The following CHD7 variants were observed in gnomAD, a reference collection of about 807,000 sequenced individuals.
CHD7 encodes the protein chromodomain helicase DNA binding protein 7.
CHD7 carries 24 observed loss-of-function variants against 307.3 expected under a neutral mutation model. That is an observed-to-expected ratio of 0.08 (90% CI 0.06 to 0.11). The LOEUF (loss-of-function observed/expected upper bound fraction) is 0.11. Ranked by LOEUF, CHD7 falls within the 10% of genes least tolerant of loss-of-function variation. The pLI is 1.00. For missense variants in CHD7, 3,106 were observed against 3,727.1 expected, an observed-to-expected ratio of 0.83 and a Z score of 4.34; for synonymous variants, 1,363 against 1,349.9, an observed-to-expected ratio of 1.01 and a Z score of -0.21.
At chr8:60,684,177 A>G (rs1033179083) in intron 1 of CHD7, among the ~76,000 whole-genome samples, 1 of 152,202 alleles carries the variant, frequency 6.6e-6, no homozygotes, top group African/African-American at 2.4e-5. Flanking sequence ...GAAGAAACTT[A>G]ACTTGTCAGT....
At chr8:60,850,848 C>T (rs575330233) in intron 26 of CHD7, 184 bp from the exon 27 acceptor site, 2 of 681,152 alleles carry the variant, frequency 2.9e-6, no homozygotes, top group Admixed American at 5.8e-5. Flanking sequence ...TTCCCGCAAT[C>T]TCCCCAGACC....
At chr8:60,817,214 A>T (rs1803790503) in intron 8 of CHD7, among the ~76,000 whole-genome samples, 1 of 152,216 alleles carries the variant, frequency 6.6e-6, no homozygotes, top group Non-Finnish European at 1.5e-5. Context: ...ATAAAAGAAA[A>T]ACCCTAACAT....
At chr8:60,715,063 T>C (rs1338372119) in intron 1 of CHD7, among the ~76,000 whole-genome samples, 5 of 152,250 alleles carry the variant, frequency 3.3e-5, no homozygotes, top group Non-Finnish European at 4.4e-5. Context: ...AATGCATGGC[T>C]CTTCTTGATC....
chr8:60,851,899 A>C lies in CHD7; in HGVS notation c.5666-120A>C, dbSNP rs76254898. ...TTATTTATATTTTAAAAATGAGGGC[A>C]CTGAGATGCCCTTTCCCACACTGTC... On this transcript the variant is annotated intron_variant, in intron 28 of 37. Transcript: ENST00000423902. 972 of 619,662 alleles carry C rather than the reference A, an allele frequency of 1.6e-3. 5 individuals are homozygous for C. The African/African-American group carries it at 0.016, about 10-fold the overall frequency. The allele number at this position is 619,662 out of a possible 1,614,324, so 38.4% of individuals were successfully genotyped here. A position where few individuals can be genotyped will look rare whatever the true frequency, so the allele number is the denominator to read the frequency against.
At chr8:60,751,174 AGTT>A (rs1315097668) in intron 2 of CHD7, among the ~76,000 whole-genome samples, 1 of 152,202 alleles carries the variant, frequency 6.6e-6, no homozygotes, top group African/African-American at 2.4e-5. Flanking sequence ...TACTTTTGGT[AGTT>A]AATTCCTCAC....
chr8:60,787,253 G>A (rs1811533149), intron 3 of CHD7, among the ~76,000 whole-genome samples: 1 of 152,032 alleles, frequency 6.6e-6, no homozygotes. Context: ...AATGTGGGTG[G>A]GCAGCATGGC....
chr8:60,816,450 A>G lies in CHD7; in HGVS notation c.2562A>G (p.Gln854=), dbSNP rs937405286. ...TGGAAAAAGATAAGAGAATTCAGCA[A>G]AAAATTAAACGATTTAAGGCAAAGC... ...EDLEKDKRIQ[Q]KIKRFKAKQG... The change falls in exon 8 of 38, where the codon CAA becomes CAG. Residue 854 remains glutamine, a synonymous_variant. Coordinates refer to ENST00000423902, the MANE Select transcript of CHD7 (RefSeq NM_017780.4). 1 of 1,611,010 alleles carries G rather than the reference A, an allele frequency of 6.2e-7. No individual in the cohort carries two copies. The highest frequency in any genetic ancestry group is 1.1e-5 in the South Asian group (1 of 90,198).
chr8:60,704,642 G>A (rs560996625), intron 1 of CHD7, among the ~76,000 whole-genome samples: 5 of 151,188 alleles, frequency 3.3e-5, no homozygotes, highest in Admixed American at 6.6e-5. Context: ...GGTGTGGTCC[G>A]GCTGTAAGCA....
At chr8:60,835,940 T>C (rs1283511797) in intron 15 of CHD7, 133 bp from the exon 16 acceptor site, 3 of 664,170 alleles carry the variant, frequency 4.5e-6, no homozygotes, top group Non-Finnish European at 5.2e-6. Context: ...AGTAAGTGGA[T>C]GGATTCTTGT....
chr8:60,788,118 G>A (rs1811590051), intron 3 of CHD7, among the ~76,000 whole-genome samples: 1 of 151,180 alleles, frequency 6.6e-6, no homozygotes. Flanking sequence ...ACTGCACCCA[G>A]CCCCAGGTGA....
intron 14 of CHD7, 51 bp downstream of exon 14, chr8:60,828,857 C>G (rs1804372053): frequency 6.7e-7 from 1 of 1,502,954 alleles, no homozygotes. Flanking sequence ...AAGATTAGCC[C>G]ATGAAATGGC....
chr8:60,715,715 T>C (rs1281136593), intron 1 of CHD7, among the ~76,000 whole-genome samples: 1 of 152,032 alleles, frequency 6.6e-6, no homozygotes, highest in African/African-American at 2.4e-5. Flanking sequence ...CATCTGAAAC[T>C]CCTTGGAGCA....
At chr8:60,844,819 T>C in intron 21 of CHD7, 45 bp from the exon 22 acceptor site, 1 of 1,490,958 alleles carries the variant, frequency 6.7e-7, no homozygotes, top group South Asian at 1.4e-5. Flanking sequence ...AAGCCATAAA[T>C]CAAAACTCAC....
Position 60,838,152 on chromosome 8 carries a change from A to G in CHD7, c.4430A>G (p.Asp1477Gly). 1 of 1,571,550 alleles carries G rather than the reference A, an allele frequency of 6.4e-7. No individual in the cohort carries two copies. The highest frequency in any genetic ancestry group is 8.6e-7 in the Non-Finnish European group (1 of 1,157,606). Reference sequence around the variant, plus strand: ...TATGGTGCACTCATGGATGAGGAGGATGAAGGGTCTAAATTCTGTGAAGAA... The same window carrying G: ...TATGGTGCACTCATGGATGAGGAGGGTGAAGGGTCTAAATTCTGTGAAGAA... ...GAYGALMDEE[D>G]EGSKFCEEDI... Residue 1477 changes from aspartate (D) to glycine (G), a missense_variant, in exon 19 of 38, where the codon GAT (aspartate) becomes GGT (glycine). Transcript: ENST00000423902.
chr8:60,752,804 G>GA, intron 2 of CHD7, among the ~76,000 whole-genome samples: 1 of 152,214 alleles, frequency 6.6e-6, no homozygotes, highest in East Asian at 1.9e-4. Context: ...AACAAGTCTA[G>GA]CATGAAGAGA....
chr8:60,736,394 G>A (rs1168563967), intron 1 of CHD7, among the ~76,000 whole-genome samples: 6 of 152,088 alleles, frequency 3.9e-5, no homozygotes, highest in East Asian at 3.9e-4. Flanking sequence ...CTTTGTCTTC[G>A]GTCTGTCCAC....
At chr8:60,774,668 G>A (rs183013111) in intron 2 of CHD7, among the ~76,000 whole-genome samples, 6 of 152,362 alleles carry the variant, frequency 3.9e-5, no homozygotes, top group Non-Finnish European at 7.3e-5. Context: ...AAGGGGAGAA[G>A]GCTGGAAGGG....
chr8:60,830,666 T>C, intron 15 of CHD7, 89 bp downstream of exon 15: 2 of 1,441,368 alleles, frequency 1.4e-6, no homozygotes, highest in East Asian at 2.3e-5. Context: ...TTTCATGGTG[T>C]ATAGTCATTC....
chr8:60,819,135 A>G (rs1586384367), intron 8 of CHD7, among the ~76,000 whole-genome samples: 2 of 151,998 alleles, frequency 1.3e-5, no homozygotes, highest in South Asian at 4.2e-4. Context: ...TTGTATTTTT[A>G]GTAGAGACGG....
Sources: gnomAD v4.1 joint callset for allele counts (sites outside exome capture counted in the v4.1 genomes callset) on GRCh38, gnomAD v4.1.1 for gene constraint, MANE v1.5 for transcripts, NCBI Gene and HGNC (gene_info 2026-07-23, HGNC 2026-07-21) for gene names.